The following KPNA3 variants were observed in gnomAD, a reference collection of about 807,000 sequenced individuals.
The protein encoded by KPNA3 is importin subunit alpha-4.
A neutral mutation model predicts 73.8 loss-of-function variants in KPNA3; 13 were observed. That is an observed-to-expected ratio of 0.18 (90% confidence interval 0.11 to 0.28). KPNA3 has a LOEUF of 0.28. KPNA3 is among the 10% of genes least tolerant of loss of function. The pLI, the probability that KPNA3 is intolerant of heterozygous loss-of-function variation, is 1.00. For missense variants in KPNA3, 360 were observed against 618.1 expected (o/e 0.58, Z 4.43); for synonymous variants, 186 against 206.9 (o/e 0.90, Z 0.87).
chr13:49,719,704 G>T, intron 10 of KPNA3, 71 bp downstream of exon 10: 1 of 976,904 alleles, frequency 1.0e-6, no homozygotes, highest in South Asian at 1.4e-5. Flanking sequence ...AATGTATGCT[G>T]ACACTTACAT....
At chr13:49,740,350 A>G (rs1954562350) in intron 2 of KPNA3, among the ~76,000 whole-genome samples, 1 of 152,006 alleles carries the variant, frequency 6.6e-6, no homozygotes, top group Admixed American at 6.6e-5. Context: ...CAAGAATATA[A>G]CACATTGTTA....
At chr13:49,784,699 G>C (rs907558287) in intron 1 of KPNA3, among the ~76,000 whole-genome samples, 2 of 152,116 alleles carry the variant, frequency 1.3e-5, no homozygotes, top group African/African-American at 4.8e-5. Context: ...AGTAGGAAAA[G>C]GCACTAAAAG....
At chr13:49,738,568 CAT>C (rs750812466) in intron 2 of KPNA3, among the ~76,000 whole-genome samples, 1 of 152,124 alleles carries the variant, frequency 6.6e-6, no homozygotes, top group Non-Finnish European at 1.5e-5. Flanking sequence ...AAATCCTGTA[CAT>C]GTTTGTTAAT....
chr13:49,710,540 G>C (rs1041372139), intron 11 of KPNA3, among the ~76,000 whole-genome samples: 1 of 152,176 alleles, frequency 6.6e-6, no homozygotes, highest in African/African-American at 2.4e-5. Flanking sequence ...TTGCAAGGAG[G>C]AATCAAAATT....
chr13:49,745,539 TAGTAGACAGGGTTTCACCATGTTGGCC>T (rs942067845), intron 2 of KPNA3, among the ~76,000 whole-genome samples: 2 of 151,836 alleles, frequency 1.3e-5, no homozygotes, highest in African/African-American at 4.8e-5. Flanking sequence ...TTTGTATTTT[TAGTAGACAGGGTTTCACCATGTTGGCC>T]AGGCTGGTCT....
Position 49,701,826 on chromosome 13 carries a change from G to A in KPNA3, c.1540C>T (p.Leu514Phe). The A allele has an allele frequency of 6.2e-7, 1 of 1,610,664 alleles. No homozygotes were observed. The highest frequency in any genetic ancestry group is 1.3e-5 in the African/African-American group (1 of 74,950). ...GTYNFDPTAN[L>F]QTKEFNF ...TAAAAATTAAATTCTTTTGTTTGAA[G>A]GTTGGCTGTTGGATCAAAATTGTAG... The change falls in exon 17 of 17, where the codon CTT becomes TTT. Residue 514 changes from leucine to phenylalanine, a missense_variant. Leu to Phe is a conservative substitution (Grantham distance 22). Coordinates refer to ENST00000261667, the MANE Select transcript of KPNA3 (RefSeq NM_002267.4).
chr13:49,771,902 T>C, intron 1 of KPNA3, among the ~76,000 whole-genome samples: 1 of 152,194 alleles, frequency 6.6e-6, no homozygotes, highest in African/African-American at 2.4e-5. Context: ...GCAACCCACC[T>C]GTCTCAGCCT....
chr13:49,781,536 A>G (rs1200129871), intron 1 of KPNA3, among the ~76,000 whole-genome samples: 4 of 152,154 alleles, frequency 2.6e-5, no homozygotes, highest in African/African-American at 9.7e-5. Flanking sequence ...GGTTATCATT[A>G]TTTTCATTGT....
chr13:49,755,989 C>A (rs1466294716), intron 1 of KPNA3, among the ~76,000 whole-genome samples: 1 of 151,926 alleles, frequency 6.6e-6, no homozygotes. Flanking sequence ...AAACAACAGC[C>A]GGGTGTGGTG....
chr13:49,724,703 C>A (rs2137546967), intron 7 of KPNA3, among the ~76,000 whole-genome samples: 1 of 152,240 alleles, frequency 6.6e-6, no homozygotes, highest in East Asian at 1.9e-4. Context: ...CTCAAGCGAT[C>A]CTCTCGCCTC....
rs1954229692 is a variant in KPNA3, at chr13:49,708,539, A to C, written c.1032+1033T>G. On this transcript the variant is annotated intron_variant, in intron 12 of 16. Coordinates refer to ENST00000261667, the MANE Select transcript of KPNA3 (RefSeq NM_002267.4). ...CTACTTGCAGTTATATATCCAAAGAAATTGAAAGCGGGAACTCAAATAGGT... is the reference window on the plus strand; with the variant it reads ...CTACTTGCAGTTATATATCCAAAGACATTGAAAGCGGGAACTCAAATAGGT... Among the ~76,000 whole-genome samples the C allele has an allele frequency of 2.0e-5, 3 of 152,220 alleles. No individual in the cohort carries two copies. The South Asian group carries it at 6.2e-4, about 32-fold the overall frequency.
At chr13:49,742,916 A>T (rs1954585904) in intron 2 of KPNA3, among the ~76,000 whole-genome samples, 1 of 152,184 alleles carries the variant, frequency 6.6e-6, no homozygotes, top group Non-Finnish European at 1.5e-5. Context: ...ATATAAGTGC[A>T]TATTTTTAGA....
Position 49,792,500 on chromosome 13 carries a change from C to T in KPNA3, c.7G>A (p.Glu3Lys). 1 of 1,561,200 alleles carries T rather than the reference C, an allele frequency of 6.4e-7. No individual in the cohort carries two copies. Among genetic ancestry groups the T allele is most frequent in the Non-Finnish European group, 8.7e-7 (1 of 1,150,586 alleles). Residue 3 changes from glutamate (E) to lysine (K), a missense_variant, in exon 1 of 17, where the codon GAG (glutamate) becomes AAG (lysine). By Grantham distance (56) the Glu-to-Lys change is moderately conservative. This residue lies in a region of KPNA3 where 35 missense variants were observed against 30.0 expected (regional missense o/e 1.17). Transcript: ENST00000261667. MA[E>K]NPSLENHRIK... ...CGGTGGTTCTCCAAGCTGGGGTTCT[C>T]GGCCATGGCTGCGCGCGGCTCCGGC...
intron 1 of KPNA3, among the ~76,000 whole-genome samples, chr13:49,750,876 C>T (rs1448282757): frequency 6.6e-6 from 1 of 152,122 alleles, no homozygotes; most frequent in African/African-American, 2.4e-5. Flanking sequence ...CCTGTAATCC[C>T]AGCTACTCAG....
intron 1 of KPNA3, among the ~76,000 whole-genome samples, chr13:49,781,525 TG>T (rs1362304642): frequency 6.6e-6 from 1 of 152,214 alleles, no homozygotes; most frequent in East Asian, 1.9e-4. Flanking sequence ...CAACAATTAC[TG>T]GTTATCATTA....
At chr13:49,760,389 T>C (rs960944949) in intron 1 of KPNA3, among the ~76,000 whole-genome samples, 5 of 133,322 alleles carry the variant, frequency 3.8e-5, no homozygotes, top group African/African-American at 5.7e-5. Context: ...CACTCCAGCC[T>C]GGGTGACAGA....
rs114916960 is a variant in KPNA3 at position 49,753,513 on chromosome 13, C to A, written c.70-6520G>T. Among the ~76,000 whole-genome samples the A allele has an allele frequency of 3.3e-3, 509 of 152,294 alleles. 3 individuals carry two copies. Among genetic ancestry groups the A allele is most frequent in the African/African-American group, 0.012 (497 of 41,562 alleles). On this transcript the variant is annotated intron_variant, in intron 1 of 16. Coordinates refer to ENST00000261667, the MANE Select transcript of KPNA3 (RefSeq NM_002267.4). ...CACAACCAAAATAACTGGAGAGACA[C>A]TGATAAAAGGTGACCGTGAGCAATG... is the stretch of plus-strand genomic sequence containing the variant.
At chr13:49,748,576 GA>G (rs954239131) in intron 1 of KPNA3, among the ~76,000 whole-genome samples, 1 of 151,218 alleles carries the variant, frequency 6.6e-6, no homozygotes, top group African/African-American at 2.4e-5. Context: ...ATCTTCTTAA[GA>G]AAAAAAATCT....
At chr13:49,717,408 T>G (rs1483208143) in intron 10 of KPNA3, among the ~76,000 whole-genome samples, 3 of 122,728 alleles carry the variant, frequency 2.4e-5, no homozygotes, top group African/African-American at 9.5e-5. Flanking sequence ...CCAGCCTGGG[T>G]GACAGAGCAA....
Sources: allele counts gnomAD v4.1 joint callset (sites outside exome capture counted in the v4.1 genomes callset), GRCh38; gene constraint gnomAD v4.1.1; regional missense constraint gnomAD v4.1.1; transcripts MANE v1.5; gene names NCBI Gene and HGNC (gene_info 2026-07-23, HGNC 2026-07-21).